BDP1: variants seen among roughly 807,000 people sequenced by gnomAD.
The protein encoded by BDP1 is transcription factor TFIIIB component B'' homolog.
A neutral mutation model predicts 266.6 loss-of-function variants in BDP1; 169 were observed. The observed-to-expected ratio is 0.63, with a 90% CI of 0.56 to 0.72. The LOEUF is 0.72. Ranked by LOEUF, BDP1 falls within the 30% of genes least tolerant of loss-of-function variation. BDP1 has a pLI of 0.00. For synonymous variants in BDP1, 1,090 were observed against 1,022.4 expected, an observed-to-expected ratio of 1.07 and a Z score of -1.26; for missense variants, 3,015 against 3,053.8, an observed-to-expected ratio of 0.99 and a Z score of 0.30.
At position 71,553,335 on chromosome 5, in the gene BDP1, A is replaced by G; in HGVS notation, c.7200+15A>G. On this transcript the variant is annotated intron_variant, in intron 35 of 38. Transcript: ENST00000358731. ...ATACCACTGAGGTAAGTGGTATATT[A>G]AGTACCACTCAATATGGCCATTAAG... 2 of 1,573,900 alleles carry G rather than the reference A, an allele frequency of 1.3e-6. No individual in the cohort carries two copies. Among genetic ancestry groups the G allele is most frequent in the South Asian group, 1.1e-5 (1 of 89,678 alleles).
At position 71,542,110 on chromosome 5, in the gene BDP1, C is replaced by G. The variant is rs754165985; in HGVS notation, c.6257C>G (p.Thr2086Arg). The G allele has an allele frequency of 1.9e-6, 3 of 1,595,566 alleles. No homozygotes were observed. The highest frequency in any genetic ancestry group is 2.6e-6 in the Non-Finnish European group (3 of 1,173,698). ...TCTCTATCTTCTGTTTTTAGGAATACAATTTCTAAAGTGACCAGTAATTTG... is the reference window on the plus strand; with the variant it reads ...TCTCTATCTTCTGTTTTTAGGAATAGAATTTCTAAAGTGACCAGTAATTTG... ...VKENATPTRN[T>R]ISKVTSNLRI... The change falls in exon 30 of 39, where the codon ACA (threonine) becomes AGA (arginine). Residue 2086 changes from threonine to arginine, a missense_variant. By Grantham distance (71) the Thr-to-Arg change is moderately conservative. Around this residue, in one of 3 missense-constraint regions of BDP1, gnomAD observed 629 missense variants for 632.5 expected, o/e 0.99. Coordinates refer to ENST00000358731, the MANE Select transcript of BDP1 (RefSeq NM_018429.3).
In BDP1 at chr5:71,512,448, G is replaced by A. The variant is rs1190071333; in HGVS notation, c.4247+20G>A. 6.9e-6 allele frequency: 10 copies of A among 1,453,452 alleles called. No homozygotes were observed. The highest frequency in any genetic ancestry group is 8.2e-6 in the Non-Finnish European group (9 of 1,092,246). The allele number at this position is 1,453,452 out of a possible 1,614,324, so 90.0% of individuals were successfully genotyped here. A position where few individuals can be genotyped will look rare whatever the true frequency, so the allele number is the denominator to read the frequency against. On this transcript the variant is annotated intron_variant, in intron 18 of 38. Transcript: ENST00000358731. Reference sequence around the variant, plus strand: ...TTTAAGGTACAAGTGTGTTTTTAAAGAAAAAGATATTAAGTTATAGTTGCA... The same window carrying A: ...TTTAAGGTACAAGTGTGTTTTTAAAAAAAAAGATATTAAGTTATAGTTGCA...
intron 13 of BDP1, among the ~76,000 whole-genome samples, chr5:71,500,323 T>C (rs1174222253): frequency 7.3e-5 from 5 of 68,898 alleles, no homozygotes; most frequent in African/African-American, 1.9e-4. Flanking sequence ...TTTCTTTTTT[T>C]TTTTTTTTTT....
At position 71,562,195 on chromosome 5, in the gene BDP1, CAAAAAAAAAAAAAAAAAAAA is replaced by C. The variant is rs564127239; in HGVS notation, c.7497-70_7497-51del. ...CCTGGGTGAGAGTGAGACTGCGTCT[CAAAAAAAAAAAAAAAAAAAA>C]AAAAAAAAGAATGTGTCTTCCTGGG... On this transcript the variant is annotated intron_variant, in intron 37 of 38. Transcript: ENST00000358731. 6.1e-5 allele frequency: 28 copies of C among 459,462 alleles called. No homozygotes were observed. In the South Asian group the frequency reaches 6.5e-4, roughly 11 times the overall value. The allele number at this position is 459,462 out of a possible 1,614,324, so 28.5% of individuals were successfully genotyped here. A position where few individuals can be genotyped will look rare whatever the true frequency, so the allele number is the denominator to read the frequency against.
chr5:71,467,040 T>C (rs1286785635), intron 5 of BDP1, among the ~76,000 whole-genome samples: 2 of 152,146 alleles, frequency 1.3e-5, no homozygotes, highest in Non-Finnish European at 2.9e-5. Flanking sequence ...CAGTAATACA[T>C]ATTGAATATC....
At chr5:71,464,452 G>A (rs576297699) in intron 4 of BDP1, among the ~76,000 whole-genome samples, 5 of 151,976 alleles carry the variant, frequency 3.3e-5, no homozygotes, top group African/African-American at 1.2e-4. Context: ...CTATGATCAC[G>A]CCACTGCATT....
the BDP1 span, among the ~76,000 whole-genome samples, chr5:71,574,148 G>A: frequency 2.6e-5 from 4 of 152,190 alleles, no homozygotes; most frequent in African/African-American, 9.7e-5. Flanking sequence ...TCTAAAAGGA[G>A]CCAAGGGTCA....
At chr5:71,569,283 CAAACA>C (rs901089100), downstream of BDP1, among the ~76,000 whole-genome samples, 32 of 152,172 alleles carry the variant, frequency 2.1e-4, no homozygotes, top group East Asian at 5.8e-4. Context: ...CTTATCTCTA[CAAACA>C]AAACAAAGCA....
In BDP1 at chr5:71,458,580, A is replaced by G; in HGVS notation, c.214A>G (p.Thr72Ala). Residue 72 changes from threonine to alanine, a missense_variant and splice_region_variant, in exon 2 of 39, where the codon ACT becomes GCT. By Grantham distance (58) the Thr-to-Ala change is moderately conservative. Coordinates refer to ENST00000358731, the MANE Select transcript of BDP1 (RefSeq NM_018429.3). ...EPQEKAPRSS[T>A]EKTGGDNDVE... Reference sequence around the variant, plus strand: ...TTTTTTCTTTTTTAATTTCAACAGTACTGAAAAGACTGGTGGTGACAATGA... The same window carrying G: ...TTTTTTCTTTTTTAATTTCAACAGTGCTGAAAAGACTGGTGGTGACAATGA... The G allele has an allele frequency of 6.2e-7, 1 of 1,606,074 alleles. No homozygotes were observed. The highest frequency in any genetic ancestry group is 8.5e-7 in the Non-Finnish European group (1 of 1,176,254).
intron 24 of BDP1, 42 bp from the exon 25 acceptor site, chr5:71,523,897 T>G: frequency 6.6e-7 from 1 of 1,515,396 alleles, no homozygotes; most frequent in Non-Finnish European, 8.8e-7. Flanking sequence ...AAATTATCCT[T>G]GCATGCATAT....
intron 25 of BDP1, among the ~76,000 whole-genome samples, chr5:71,530,717 T>C (rs1285501767): frequency 6.6e-6 from 1 of 152,114 alleles, no homozygotes; most frequent in Non-Finnish European, 1.5e-5. Flanking sequence ...CTGTCAGATA[T>C]TACCAAAGAT....
chr5:71,555,700 A>G (rs535201415), intron 35 of BDP1, among the ~76,000 whole-genome samples: 2 of 152,110 alleles, frequency 1.3e-5, no homozygotes, highest in African/African-American at 2.4e-5. Context: ...CGGCCTTGCA[A>G]AGTGATGGGA....
intron 7 of BDP1, among the ~76,000 whole-genome samples, chr5:71,473,695 A>G (rs1285938170): frequency 6.6e-6 from 1 of 151,680 alleles, no homozygotes; most frequent in African/African-American, 2.4e-5. Flanking sequence ...TTTATTTATT[A>G]TACTTTAAGT....
chr5:71,553,403 T>C, intron 35 of BDP1, 83 bp downstream of exon 35: 2 of 906,356 alleles, frequency 2.2e-6, no homozygotes, highest in Non-Finnish European at 1.7e-6. Context: ...ATTTTTTCCT[T>C]TATTCTCTTT....
rs1200134797 is a variant in BDP1, at chr5:71,483,691, G to A, written c.1015-151G>A. 2.5e-5 allele frequency: 15 copies of A among 593,340 alleles called. No individual in the cohort carries two copies. In the Admixed American group the frequency reaches 2.7e-4, roughly 11 times the overall value. 36.8% of individuals were successfully genotyped at this position (593,340 alleles called of 1,614,324 possible). The stretch of plus-strand genomic sequence containing the variant: ...CTTTCATCCTTATTTTTAAAAAGCC[G>A]AAGGTTTAAGTAACTTGCCTATTGG... On this transcript the variant is annotated intron_variant, in intron 7 of 38. Transcript: ENST00000358731.
intron 26 of BDP1, among the ~76,000 whole-genome samples, chr5:71,538,694 G>GTTTCC (rs1234816243): frequency 6.6e-6 from 1 of 152,106 alleles, no homozygotes; most frequent in African/African-American, 2.4e-5. Context: ...TTAGGCCTTG[G>GTTTCC]TTTCCATTGG....
At chr5:71,456,619 A>G (rs896323377) in intron 1 of BDP1, among the ~76,000 whole-genome samples, 5 of 152,148 alleles carry the variant, frequency 3.3e-5, no homozygotes, top group Admixed American at 6.5e-5. Context: ...CATGTATCAT[A>G]TTTGGATTCA....
At chr5:71,524,426 T>C in intron 25 of BDP1, 103 bp downstream of exon 25, 1 of 1,238,552 alleles carries the variant, frequency 8.1e-7, no homozygotes, top group Non-Finnish European at 1.1e-6. Flanking sequence ...TATTAGGATT[T>C]GAAGAGTTCA....
chr5:71,516,320 T>C (rs1397588331), intron 21 of BDP1, 49 bp downstream of exon 21: 1 of 1,378,444 alleles, frequency 7.3e-7, no homozygotes, highest in Non-Finnish European at 1.0e-6. Flanking sequence ...GCATTTAAAA[T>C]GTCAAGTTAT....
Sources: gnomAD v4.1 joint callset for allele counts (sites outside exome capture counted in the v4.1 genomes callset) on GRCh38, gnomAD v4.1.1 for gene constraint, gnomAD v4.1.1 regional missense constraint, MANE v1.5 for transcripts, NCBI Gene and HGNC (gene_info 2026-07-23, HGNC 2026-07-21) for gene names.